CMYA5: variants seen among roughly 807,000 people sequenced by gnomAD.
The protein encoded by CMYA5 is cardiomyopathy-associated protein 5.
Under a neutral mutation model 318.9 loss-of-function variants are expected in CMYA5, and 246 were observed. That is an observed-to-expected ratio of 0.77 (90% CI 0.70 to 0.86). The LOEUF is 0.86. Ranked by LOEUF, CMYA5 falls within the 40% of genes least tolerant of loss-of-function variation. The pLI is 0.00. For missense variants in CMYA5, 4,589 were observed against 4,678.2 expected (o/e 0.98, Z 0.56); for synonymous variants, 1,641 against 1,729.5 (o/e 0.95, Z 1.27).
chr5:79,744,779 C>G (rs936909205), intron 3 of CMYA5, among the ~76,000 whole-genome samples: 2 of 152,146 alleles, frequency 1.3e-5, no homozygotes, highest in Non-Finnish European at 2.9e-5. Flanking sequence ...TGTGGGATAA[C>G]CTGCCATCTC....
chr5:79,714,088 C>G (rs1011042831), intron 1 of CMYA5, among the ~76,000 whole-genome samples: 2 of 152,178 alleles, frequency 1.3e-5, no homozygotes, highest in African/African-American at 4.8e-5. Flanking sequence ...CATTTGGAAG[C>G]ATCTGCATAA....
intron 1 of CMYA5, among the ~76,000 whole-genome samples, chr5:79,712,821 A>G (rs1434034964): frequency 9.2e-5 from 14 of 152,200 alleles, no homozygotes; most frequent in Admixed American, 9.2e-4. Context: ...TCAGTGTAAC[A>G]GGTGGGGAGA....
At chr5:79,713,595 A>G (rs1448528649) in intron 1 of CMYA5, among the ~76,000 whole-genome samples, 1 of 152,096 alleles carries the variant, frequency 6.6e-6, no homozygotes, top group Non-Finnish European at 1.5e-5. Flanking sequence ...TAATTGAATA[A>G]CAGCCCCAGC....
At position 79,730,207 on chromosome 5, in the gene CMYA5, A is replaced by T. The variant is rs565746982; in HGVS notation, c.1442A>T (p.Lys481Ile). Reference protein sequence around the residue: ...AKLTPTHPSVKGEKEENMLEP... With the variant: ...AKLTPTHPSVIGEKEENMLEP... ...CTGACCCCTACCCATCCCAGTGTCA[A>T]AGGAGAGAAGGAGGAAAACATGCTT... Residue 481 changes from lysine (K) to isoleucine (I), a missense_variant, in exon 2 of 13, where the codon AAA becomes ATA. By Grantham distance (102) the Lys-to-Ile change is moderately radical. Around this residue, in one of 3 missense-constraint regions of CMYA5, gnomAD observed 2,132 missense variants for 2,131.3 expected, o/e 1.00. Coordinates refer to ENST00000446378, the MANE Select transcript of CMYA5 (RefSeq NM_153610.5). 28 of 1,613,994 alleles carry T rather than the reference A, an allele frequency of 1.7e-5. No individual in the cohort carries two copies. The East Asian group carries it at 1.8e-4, about 10-fold the overall frequency.
intron 7 of CMYA5, among the ~76,000 whole-genome samples, chr5:79,760,024 C>G (rs751110611): frequency 2.6e-5 from 4 of 152,080 alleles, no homozygotes; most frequent in Non-Finnish European, 5.9e-5. Flanking sequence ...TGTACATGAC[C>G]GGGGGCAGGA....
At chr5:79,694,898 AAGATAACAG>A (rs1191041897) in intron 1 of CMYA5, among the ~76,000 whole-genome samples, 2 of 152,212 alleles carry the variant, frequency 1.3e-5, no homozygotes, top group African/African-American at 4.8e-5. Flanking sequence ...GGGAGGATAG[AAGATAACAG>A]AGTCACTTGT....
At chr5:79,722,694 A>G (rs1827664742) in intron 1 of CMYA5, among the ~76,000 whole-genome samples, 1 of 151,552 alleles carries the variant, frequency 6.6e-6, no homozygotes, top group African/African-American at 2.4e-5. Flanking sequence ...AAAAAAAAAA[A>G]AAAATCTATC....
chr5:79,798,790 A>T (rs1829321266), intron 12 of CMYA5, among the ~76,000 whole-genome samples: 1 of 152,248 alleles, frequency 6.6e-6, no homozygotes, highest in African/African-American at 2.4e-5. Context: ...ATCAAAGGCA[A>T]CCCCGCTGGT....
intron 1 of CMYA5, among the ~76,000 whole-genome samples, chr5:79,726,909 A>ATTTTTTTTTTTTTTTTTTTTTTTTTT (rs34198193): frequency 1.0e-5 from 1 of 96,040 alleles, no homozygotes; most frequent in East Asian, 4.0e-4. Flanking sequence ...TAGGCCAGTG[A>ATTTTTTTTTTTTTTTTTTTTTTTTTT]TTTTTTTTTT....
At chr5:79,750,775 C>A (rs559849238) in intron 5 of CMYA5, among the ~76,000 whole-genome samples, 1 of 152,202 alleles carries the variant, frequency 6.6e-6, no homozygotes, top group East Asian at 1.9e-4. Context: ...GGAGTTGCAA[C>A]CATTGTAAGA....
Position 79,752,656 on chromosome 5 carries a change from A to G in CMYA5, c.10992-20A>G, listed in dbSNP as rs973897662. 6.5e-7 allele frequency: 1 copy of G among 1,528,290 alleles called. No homozygotes were observed. Among genetic ancestry groups the G allele is most frequent in the Non-Finnish European group, 9.0e-7 (1 of 1,108,534 alleles). The allele number at this position is 1,528,290 out of a possible 1,614,324, so 94.7% of individuals were successfully genotyped here. On this transcript the variant is annotated intron_variant, in intron 5 of 12. Coordinates refer to ENST00000446378, the MANE Select transcript of CMYA5 (RefSeq NM_153610.5). ...ATGTTAATAATTTTTTAACTTATGT[A>G]GAGCTCTATTCCCCGATAGGTTGCT...
At chr5:79,792,144 C>T (rs1009753227) in intron 11 of CMYA5, among the ~76,000 whole-genome samples, 10 of 152,198 alleles carry the variant, frequency 6.6e-5, no homozygotes, top group Non-Finnish European at 1.5e-4. Flanking sequence ...CTTCTCTGGA[C>T]CCTGGCACCC....
At chr5:79,758,351 A>T (rs1050797999) in intron 6 of CMYA5, among the ~76,000 whole-genome samples, 67 of 148,662 alleles carry the variant, frequency 4.5e-4, no homozygotes, top group African/African-American at 1.7e-3. Context: ...GGCCAAGGTG[A>T]TGAAACCCTA....
At chr5:79,702,418 T>C (rs1349546004) in intron 1 of CMYA5, among the ~76,000 whole-genome samples, 1 of 152,170 alleles carries the variant, frequency 6.6e-6, no homozygotes, top group Non-Finnish European at 1.5e-5. Flanking sequence ...CAATGGAATA[T>C]TATTTGGCCA....
chr5:79,692,532 G>A (rs911368144), intron 1 of CMYA5, among the ~76,000 whole-genome samples: 1 of 152,158 alleles, frequency 6.6e-6, no homozygotes, highest in Non-Finnish European at 1.5e-5. Flanking sequence ...ATCATCCAGT[G>A]ATATGAATGT....
At position 79,734,483 on chromosome 5, in the gene CMYA5, C is replaced by T. The variant is rs769471069; in HGVS notation, c.5718C>T (p.His1906=). 61 of 1,613,498 alleles carry T rather than the reference C, an allele frequency of 3.8e-5. No homozygotes were observed. Among genetic ancestry groups the T allele is most frequent in the Admixed American group, 5.0e-5 (3 of 59,934 alleles). Residue 1906 remains histidine (H), a synonymous_variant, in exon 2 of 13, where the codon CAC becomes CAT. Transcript: ENST00000446378. ...AGCCAGAAAATGTGGCTAGTCAACACGAACAGAGAATAGCAGGATCTGTGC... is the reference window on the plus strand; with the variant it reads ...AGCCAGAAAATGTGGCTAGTCAACATGAACAGAGAATAGCAGGATCTGTGC... ...LGKPENVASQ[H]EQRIAGSVQL... is the part of the protein sequence containing the mutation.
In CMYA5 at chr5:79,748,783, A is replaced by G. The variant is rs1003036337; in HGVS notation, c.10991+1670A>G. On this transcript the variant is annotated intron_variant, in intron 5 of 12. Coordinates refer to ENST00000446378, the MANE Select transcript of CMYA5 (RefSeq NM_153610.5). Reference sequence around the variant, plus strand: ...GATCTTGAACTCCTCAGGCCAAGTGATCTGCCCACCTCCAGTTTCCTTTAT... The same window carrying G: ...GATCTTGAACTCCTCAGGCCAAGTGGTCTGCCCACCTCCAGTTTCCTTTAT... Among the ~76,000 whole-genome samples, 37 of 152,266 alleles carry G rather than the reference A, an allele frequency of 2.4e-4. 1 individual carries two copies. The highest frequency in any genetic ancestry group is 8.4e-4 in the African/African-American group (35 of 41,550).
chr5:79,771,197 G>A (rs1395804568), intron 9 of CMYA5, among the ~76,000 whole-genome samples: 1 of 152,076 alleles, frequency 6.6e-6, no homozygotes, highest in African/African-American at 2.4e-5. Context: ...GACACTTTGA[G>A]AGGCTACTCA....
chr5:79,790,176 G>C (rs947462813), intron 10 of CMYA5, among the ~76,000 whole-genome samples: 2 of 145,234 alleles, frequency 1.4e-5, no homozygotes, highest in African/African-American at 5.1e-5. Context: ...GAAGATGCGA[G>C]GGCTGTCTTC....
Sources: allele counts gnomAD v4.1 joint callset (sites outside exome capture counted in the v4.1 genomes callset), GRCh38; gene constraint gnomAD v4.1.1; regional missense constraint gnomAD v4.1.1; transcripts MANE v1.5; gene names NCBI Gene and HGNC (gene_info 2026-07-23, HGNC 2026-07-21).